IPCEF1: variants seen among roughly 807,000 people sequenced by gnomAD.
IPCEF1 encodes the protein interaction protein for cytohesin exchange factors 1.
In IPCEF1, 31 loss-of-function variants were observed where a neutral mutation model predicts 50.9. The observed-to-expected ratio is 0.61, with a 90% CI of 0.46 to 0.82. IPCEF1 has a LOEUF of 0.82. IPCEF1 is among the 40% of genes least tolerant of loss of function. IPCEF1 has a pLI of 0.00. For synonymous variants in IPCEF1, 181 were observed against 192.0 expected, an observed-to-expected ratio of 0.94 and a Z score of 0.47; for missense variants, 458 against 514.0, an observed-to-expected ratio of 0.89 and a Z score of 1.05.
chr6:154,158,791 C>G lies in IPCEF1; in HGVS notation c.*1037G>C, dbSNP rs1562514952. 1 of 152,156 alleles carries G rather than the reference C, an allele frequency of 6.6e-6. No homozygotes were observed. Among genetic ancestry groups the G allele is most frequent in the African/African-American group, 2.4e-5 (1 of 41,430 alleles). 9.4% of individuals were successfully genotyped at this position (152,156 alleles called of 1,614,324 possible). On this transcript the variant is annotated 3_prime_UTR_variant, in exon 12 of 12. Coordinates refer to ENST00000367220, the MANE Select transcript of IPCEF1 (RefSeq NM_001130700.2). ...ATCTTTTAAACACTAGTAATTTGAACTTCTATAAATATATTTAAATAACAA... is the reference window on the plus strand; with the variant it reads ...ATCTTTTAAACACTAGTAATTTGAAGTTCTATAAATATATTTAAATAACAA...
chr6:154,308,367 C>T (rs1455662903), intron 1 of IPCEF1, among the ~76,000 whole-genome samples: 1 of 151,952 alleles, frequency 6.6e-6, no homozygotes, highest in African/African-American at 2.4e-5. Context: ...AGGTGATCTA[C>T]CTGTCTCAGC....
intron 11 of IPCEF1, among the ~76,000 whole-genome samples, chr6:154,166,954 T>C (rs917941771): frequency 6.6e-6 from 1 of 152,226 alleles, no homozygotes; most frequent in Non-Finnish European, 1.5e-5. Context: ...AATTAAAATT[T>C]ACTTTCTTTT....
intron 9 of IPCEF1, among the ~76,000 whole-genome samples, chr6:154,207,142 C>T (rs998064517): frequency 2.0e-5 from 3 of 152,202 alleles, no homozygotes; most frequent in Admixed American, 6.5e-5. Context: ...AGGGCCTCAA[C>T]TAGGCAGTGG....
At chr6:154,263,055 T>G (rs1781643815) in intron 3 of IPCEF1, among the ~76,000 whole-genome samples, 1 of 152,100 alleles carries the variant, frequency 6.6e-6, no homozygotes, top group Non-Finnish European at 1.5e-5. Context: ...ATTACAGGCA[T>G]GAGCCACCAT....
chr6:154,163,942 T>C (rs988842788), intron 11 of IPCEF1, among the ~76,000 whole-genome samples: 6 of 152,164 alleles, frequency 3.9e-5, no homozygotes, highest in Non-Finnish European at 8.8e-5. Context: ...AGCAGAGGGA[T>C]TGTTTATAGA....
At chr6:154,303,857 G>A (rs1782862079) in intron 1 of IPCEF1, among the ~76,000 whole-genome samples, 1 of 152,180 alleles carries the variant, frequency 6.6e-6, no homozygotes, top group Non-Finnish European at 1.5e-5. Context: ...GGAGGTCAAG[G>A]CTGCAGTGAG....
intron 1 of IPCEF1, among the ~76,000 whole-genome samples, chr6:154,306,175 C>T (rs1460465877): frequency 6.6e-6 from 1 of 152,172 alleles, no homozygotes; most frequent in East Asian, 1.9e-4. Context: ...ACGTCACTTA[C>T]ATTAACCTCA....
intron 1 of IPCEF1, among the ~76,000 whole-genome samples, chr6:154,353,211 C>T (rs946040825): frequency 2.0e-5 from 3 of 152,004 alleles, no homozygotes; most frequent in Non-Finnish European, 4.4e-5. Flanking sequence ...CACACTATCA[C>T]TAAAACATTG....
chr6:154,178,234 C>T (rs1373265400), intron 10 of IPCEF1, among the ~76,000 whole-genome samples: 3 of 152,012 alleles, frequency 2.0e-5, no homozygotes, highest in Non-Finnish European at 2.9e-5. Flanking sequence ...CACATGTATA[C>T]CTATGTAACA....
At chr6:154,343,658 C>T (rs1783964989) in intron 1 of IPCEF1, among the ~76,000 whole-genome samples, 2 of 152,230 alleles carry the variant, frequency 1.3e-5, no homozygotes. Context: ...AAATTACTCA[C>T]ATTGACCCAG....
intron 1 of IPCEF1, among the ~76,000 whole-genome samples, chr6:154,342,694 T>C (rs527597123): frequency 6.6e-6 from 1 of 152,296 alleles, no homozygotes; most frequent in Admixed American, 6.5e-5. Context: ...ACTCCTGGTC[T>C]CAAGTGATCC....
intron 9 of IPCEF1, among the ~76,000 whole-genome samples, chr6:154,212,447 G>C (rs1367763615): frequency 6.6e-6 from 1 of 152,066 alleles, no homozygotes; most frequent in Non-Finnish European, 1.5e-5. Flanking sequence ...TTCTTCCTGA[G>C]AAAAAGTAGA....
At chr6:154,266,448 C>G (rs976938876) in intron 2 of IPCEF1, among the ~76,000 whole-genome samples, 1 of 151,206 alleles carries the variant, frequency 6.6e-6, no homozygotes, top group Admixed American at 6.6e-5. Flanking sequence ...CTCAATAAGC[C>G]AACTGTTTAA....
chr6:154,281,368 T>C (rs559549607), intron 2 of IPCEF1, among the ~76,000 whole-genome samples: 19 of 149,620 alleles, frequency 1.3e-4, no homozygotes, highest in African/African-American at 4.7e-4. Flanking sequence ...AAAAAAAAAT[T>C]TTTTTTAAAG....
At chr6:154,260,771 G>A (rs939403126) in intron 3 of IPCEF1, among the ~76,000 whole-genome samples, 4 of 151,660 alleles carry the variant, frequency 2.6e-5, no homozygotes, top group African/African-American at 7.3e-5. Context: ...ATGCCCAGCC[G>A]ACCAGAGAAC....
At chr6:154,331,131 G>C (rs1783649442) in intron 1 of IPCEF1, among the ~76,000 whole-genome samples, 1 of 152,022 alleles carries the variant, frequency 6.6e-6, no homozygotes, top group Non-Finnish European at 1.5e-5. Context: ...ACCAGGTATG[G>C]TGGCATGTGC....
At chr6:154,185,892 T>C (rs1030906359) in intron 10 of IPCEF1, among the ~76,000 whole-genome samples, 1 of 152,262 alleles carries the variant, frequency 6.6e-6, no homozygotes, top group African/African-American at 2.4e-5. Context: ...TAATCTTGGC[T>C]TTTTGCTAAA....
chr6:154,162,004 A>G (rs1019231487), intron 11 of IPCEF1, among the ~76,000 whole-genome samples: 7 of 152,126 alleles, frequency 4.6e-5, no homozygotes, highest in African/African-American at 1.7e-4. Flanking sequence ...TGGCCTTGCT[A>G]TCTCTTTGTT....
intron 1 of IPCEF1, among the ~76,000 whole-genome samples, chr6:154,350,331 C>T (rs1584015516): frequency 6.6e-6 from 1 of 152,166 alleles, no homozygotes; most frequent in South Asian, 2.1e-4. Flanking sequence ...TAACAAGTAA[C>T]CAAATTGTCA....
Sources: allele counts gnomAD v4.1 joint callset (sites outside exome capture counted in the v4.1 genomes callset), GRCh38; gene constraint gnomAD v4.1.1; transcripts MANE v1.5; gene names NCBI Gene and HGNC (gene_info 2026-07-23, HGNC 2026-07-21).